Variants in EEFSEC observed in about 807,000 individuals in gnomAD.
The protein encoded by EEFSEC is eukaryotic elongation factor, selenocysteine-tRNA specific, also known as selenocysteine-specific elongation factor.
EEFSEC carries 43 observed loss-of-function variants against 42.1 expected under a neutral mutation model. The ratio of observed to expected loss-of-function variants is 1.02; its 90% CI spans 0.80 to 1.32. EEFSEC has a LOEUF of 1.32. EEFSEC is among the 40% of genes most tolerant of loss of function. The probability of loss-of-function intolerance (pLI) is 0.00; values close to 1 mark genes in which losing one functional copy is unlikely to be tolerated. For synonymous variants in EEFSEC, 354 were observed against 339.1 expected (o/e 1.04, Z -0.48); for missense variants, 745 against 803.6 (o/e 0.93, Z 0.88).
chr3:128,327,908 G>T (rs764772021), intron 4 of EEFSEC, among the ~76,000 whole-genome samples: 2 of 152,164 alleles, frequency 1.3e-5, no homozygotes, highest in East Asian at 1.9e-4. Context: ...TGTGAGGCAG[G>T]CGAACTCTGG....
intron 4 of EEFSEC, among the ~76,000 whole-genome samples, chr3:128,293,394 T>G (rs1353075154): frequency 6.6e-6 from 1 of 152,196 alleles, no homozygotes; most frequent in Non-Finnish European, 1.5e-5. Context: ...TATTTATATT[T>G]GCTAATGCCT....
chr3:128,153,723 G>C lies in EEFSEC; in HGVS notation c.216G>C (p.Gln72His). The C allele has an allele frequency of 6.4e-7, 1 of 1,568,914 alleles. No individual in the cohort carries two copies. Among genetic ancestry groups the C allele is most frequent in the Non-Finnish European group, 8.6e-7 (1 of 1,166,686 alleles). Residue 72 changes from glutamine (Q) to histidine (H), a missense_variant, in exon 1 of 7, where the codon CAG becomes CAC. Gln to His is a conservative substitution (Grantham distance 24). Coordinates refer to ENST00000254730, the MANE Select transcript of EEFSEC (RefSeq NM_021937.5). Reference protein sequence around the residue: ...ARLRSSLPEFQAAPEAEPEPG... With the variant: ...ARLRSSLPEFHAAPEAEPEPG... ...TGCGGTCGTCTTTGCCCGAGTTCCAGGCAGCGCCCGAGGCCGAGCCCGAGC... is the reference window on the plus strand; with the variant it reads ...TGCGGTCGTCTTTGCCCGAGTTCCACGCAGCGCCCGAGGCCGAGCCCGAGC...
rs115520008 is a variant in EEFSEC at position 128,207,860 on chromosome 3, G to A, written c.317-38976G>A. 6.2e-3 allele frequency among the ~76,000 whole-genome samples: 947 copies of A among 152,150 alleles called. 8 individuals are homozygous for A. The highest frequency in any genetic ancestry group is 0.021 in the African/African-American group (885 of 41,488). On this transcript the variant is annotated intron_variant, in intron 1 of 6. Transcript: ENST00000254730. Reference sequence around the variant, plus strand: ...TCTGAAAGGTTCTAGAGAGAGTTTCGACATTCATCTGGCTGCCAAATGAAC... The same window carrying A: ...TCTGAAAGGTTCTAGAGAGAGTTTCAACATTCATCTGGCTGCCAAATGAAC...
At chr3:128,206,849 C>T (rs750371577) in intron 1 of EEFSEC, among the ~76,000 whole-genome samples, 1 of 152,158 alleles carries the variant, frequency 6.6e-6, no homozygotes, top group Non-Finnish European at 1.5e-5. Flanking sequence ...CGACTTCTCA[C>T]GGCTGGCCCG....
In EEFSEC at chr3:128,178,132, T is replaced by A. The variant is rs138324958; in HGVS notation, c.316+24309T>A. Among the ~76,000 whole-genome samples, 74 of 152,332 alleles carry A rather than the reference T, an allele frequency of 4.9e-4. 2 individuals are homozygous for A. In the South Asian group the frequency reaches 1.0e-2, roughly 20 times the overall value. On this transcript the variant is annotated intron_variant, in intron 1 of 6. Transcript: ENST00000254730. ...TAAAACATAGTTCAGAGTCGAGTTA[T>A]GTGGTAAAAATGCATGAACTAAGTA...
chr3:128,175,251 A>T (rs536914918), intron 1 of EEFSEC, among the ~76,000 whole-genome samples: 1 of 151,820 alleles, frequency 6.6e-6, no homozygotes, highest in South Asian at 2.1e-4. Context: ...CTCTGGAGAT[A>T]CTCTAATGCT....
intron 1 of EEFSEC, among the ~76,000 whole-genome samples, chr3:128,224,078 T>A (rs1200286213): frequency 1.3e-5 from 2 of 152,162 alleles, no homozygotes; most frequent in South Asian, 2.1e-4. Context: ...AGGTCTACAG[T>A]TTTTTTGTTT....
chr3:128,352,609 T>G (rs1312271550), intron 5 of EEFSEC, among the ~76,000 whole-genome samples: 2 of 152,232 alleles, frequency 1.3e-5, no homozygotes, highest in Non-Finnish European at 2.9e-5. Context: ...TTCTCAGATC[T>G]GCAGGTGGCG....
At chr3:128,246,723 T>C in intron 1 of EEFSEC, 113 bp from the exon 2 acceptor site, 2 of 1,118,272 alleles carry the variant, frequency 1.8e-6, no homozygotes, top group Non-Finnish European at 2.6e-6. Context: ...GTAGTCACCA[T>C]TTATTCCACT....
intron 6 of EEFSEC, among the ~76,000 whole-genome samples, chr3:128,400,865 A>G (rs567543825): frequency 6.6e-6 from 1 of 152,220 alleles, no homozygotes; most frequent in South Asian, 2.1e-4. Context: ...CCTGCAGCCC[A>G]TTGTGCCTTT....
At position 128,408,152 on chromosome 3, in the gene EEFSEC, CAGG is replaced by C. The variant is rs1559963629; in HGVS notation, c.1690_1692del (p.Glu564del). The stretch of plus-strand genomic sequence containing the variant: ...GGCTGGCCGTGGGGAGGCCACCAGG[CAGG>C]AGGAGAGCGCCGAGCGGAGCGAGCC... On this transcript the variant is annotated inframe_deletion, in exon 7 of 7. Transcript: ENST00000254730. 2 of 1,612,516 alleles carry C rather than the reference CAGG, an allele frequency of 1.2e-6. No homozygotes were observed. Among genetic ancestry groups the C allele is most frequent in the South Asian group, 1.1e-5 (1 of 90,926 alleles).
chr3:128,406,881 T>C (rs568833173), intron 6 of EEFSEC, among the ~76,000 whole-genome samples: 113 of 151,628 alleles, frequency 7.5e-4, no homozygotes, highest in Non-Finnish European at 1.0e-3. Context: ...TACATACATA[T>C]ATATATATTA....
At position 128,259,666 on chromosome 3, in the gene EEFSEC, C is replaced by CT. The variant is rs919810379; in HGVS notation, c.525-2462_525-2461insT. On this transcript the variant is annotated intron_variant, in intron 2 of 6. Coordinates refer to ENST00000254730, the MANE Select transcript of EEFSEC (RefSeq NM_021937.5). ...TTTGCTCCTCATTCTCTGTGCGCCA[C>CT]CAGCCTGGGAACTACTAATCTCCTT... Among the ~76,000 whole-genome samples, 31 of 152,292 alleles carry CT rather than the reference C, an allele frequency of 2.0e-4. No individual in the cohort carries two copies. In the Middle Eastern group the frequency reaches 0.014, roughly 67 times the overall value.
At chr3:128,196,790 G>A (rs956585471) in intron 1 of EEFSEC, among the ~76,000 whole-genome samples, 1 of 152,180 alleles carries the variant, frequency 6.6e-6, no homozygotes, top group African/African-American at 2.4e-5. Flanking sequence ...CTCCTTGTCT[G>A]CAGAAGGGAG....
chr3:128,237,793 TGCTCTCATTGTTCACCCTG>T (rs2066028544), intron 1 of EEFSEC, among the ~76,000 whole-genome samples: 1 of 152,244 alleles, frequency 6.6e-6, no homozygotes, highest in East Asian at 1.9e-4. Context: ...ACTGCTGACA[TGCTCTCATTGTTCACCCTG>T]GCCTTTCTTC....
intron 6 of EEFSEC, among the ~76,000 whole-genome samples, chr3:128,367,521 C>T (rs557326172): frequency 3.3e-5 from 5 of 152,182 alleles, no homozygotes; most frequent in African/African-American, 7.2e-5. Context: ...ACCTCCGCAT[C>T]GAACCAGCCA....
chr3:128,381,377 T>G (rs1478346852), intron 6 of EEFSEC, among the ~76,000 whole-genome samples: 1 of 152,222 alleles, frequency 6.6e-6, no homozygotes, highest in African/African-American at 2.4e-5. Flanking sequence ...AAAGGGATGA[T>G]TGCCGATTGC....
rs1553747270 is a variant in EEFSEC, at chr3:128,250,912, T to TTTG, written c.524+3871_524+3872insGTT. Among the ~76,000 whole-genome samples the TTTG allele has an allele frequency of 4.3e-3, 21 of 4,928 alleles. 1 individual carries two copies. The South Asian group carries it at 0.093, about 22-fold the overall frequency. 3.2% of individuals were successfully genotyped at this position (4,928 alleles called of 152,430 possible). A position where few individuals can be genotyped will look rare whatever the true frequency, so the allele number is the denominator to read the frequency against. On this transcript the variant is annotated intron_variant, in intron 2 of 6. Transcript: ENST00000254730. The stretch of plus-strand genomic sequence containing the variant: ...TTAAGTCATCTTTAGTTTTTTTTGG[T>TTTG]TTTTTTTTTTTTTTTTTAGCAATGT...
At chr3:128,192,952 GAA>G (rs1055907784) in intron 1 of EEFSEC, among the ~76,000 whole-genome samples, 1 of 152,298 alleles carries the variant, frequency 6.6e-6, no homozygotes, top group Admixed American at 6.5e-5. Flanking sequence ...AGCACTGGTA[GAA>G]AAGAGCCTGG....
Sources: gnomAD v4.1 joint callset for allele counts (sites outside exome capture counted in the v4.1 genomes callset) on GRCh38, gnomAD v4.1.1 for gene constraint, MANE v1.5 for transcripts, NCBI Gene and HGNC (gene_info 2026-07-23, HGNC 2026-07-21) for gene names.